Variants in PARP2 observed in about 807,000 individuals in gnomAD.
PARP2 encodes the protein poly [ADP-ribose] polymerase 2.
Under a neutral mutation model 77.8 loss-of-function variants are expected in PARP2, and 57 were observed. That is an observed-to-expected ratio of 0.73 (90% CI 0.59 to 0.91). The LOEUF (loss-of-function observed/expected upper bound fraction) is 0.91, where lower values mean the gene tolerates loss of function less well. PARP2 is among the 40% of genes least tolerant of loss of function. The probability of loss-of-function intolerance (pLI) is 0.00; values close to 1 mark genes in which losing one functional copy is unlikely to be tolerated. For missense variants in PARP2, 651 were observed against 689.0 expected, an observed-to-expected ratio of 0.94 and a Z score of 0.62; for synonymous variants, 226 against 242.6, an observed-to-expected ratio of 0.93 and a Z score of 0.64.
Position 20,352,202 on chromosome 14 carries a change from AG to A in PARP2, c.498-42del, listed in dbSNP as rs1396188508. 9.6e-6 allele frequency: 10 copies of A among 1,040,894 alleles called. No individual in the cohort carries two copies. In the East Asian group the frequency reaches 2.1e-4, roughly 22 times the overall value. The allele number at this position is 1,040,894 out of a possible 1,614,324, so 64.5% of individuals were successfully genotyped here. On this transcript the variant is annotated intron_variant, in intron 6 of 15. Transcript: ENST00000429687. Reference sequence around the variant, plus strand: ...TGTCTTGTAAGTCCATCTTCATAGTAGACCTTTATTTGTAAAGTTTTCTTAC... The same window carrying A: ...TGTCTTGTAAGTCCATCTTCATAGTAACCTTTATTTGTAAAGTTTTCTTAC...
chr14:20,351,083 C>A lies in PARP2; in HGVS notation c.458C>A (p.Ser153Ter), dbSNP rs1566420559. 1 of 1,613,984 alleles carries A rather than the reference C, an allele frequency of 6.2e-7. No individual in the cohort carries two copies. The highest frequency in any genetic ancestry group is 2.2e-5 in the East Asian group (1 of 44,884). Residue 153 changes from serine to a stop codon, truncating the protein, a stop_gained, in exon 6 of 16, where the codon TCA becomes TAA. Coordinates refer to ENST00000429687, the MANE Select transcript of PARP2 (RefSeq NM_001042618.2). LOFTEE classifies it high-confidence loss of function. ...KMGQHSLVACSGNLNKAKEIF... is the reference protein window; with the variant it reads ...KMGQHSLVAC ...GGACAGCACAGCCTGGTGGCTTGTT[C>A]AGGCAATCTCAACAAGGCCAAGGAA...
intron 3 of PARP2, among the ~76,000 whole-genome samples, chr14:20,346,413 C>T (rs1883722056): frequency 6.6e-6 from 1 of 150,490 alleles, no homozygotes; most frequent in Admixed American, 6.6e-5. Flanking sequence ...CTGCATCCTC[C>T]ACTTCCTAGG....
In PARP2 at chr14:20,355,782, G is replaced by T; in HGVS notation, c.933G>T (p.Gln311His). The change falls in exon 10 of 16, where the codon CAG (glutamine) becomes CAT (histidine). Residue 311 changes from glutamine to histidine, a missense_variant. Physicochemically the swap from Gln to His is conservative, Grantham distance 24 (BLOSUM62 0). Transcript: ENST00000429687. The part of the protein sequence containing the change: ...GLRTPPLIRT[Q>H]KELSEKIQLL... ...GTACTCCTCCACTAATCCGGACACA[G>T]AAGGAACTGTCAGAAAAAATACAAT... 6.2e-7 allele frequency: 1 copy of T among 1,613,858 alleles called. No individual in the cohort carries two copies. Among genetic ancestry groups the T allele is most frequent in the Non-Finnish European group, 8.5e-7 (1 of 1,179,758 alleles).
At chr14:20,348,163 T>G (rs1489502065) in intron 4 of PARP2, among the ~76,000 whole-genome samples, 1 of 152,132 alleles carries the variant, frequency 6.6e-6, no homozygotes, top group East Asian at 1.9e-4. Context: ...GATGAGCCAC[T>G]GGGACAAGCT....
chr14:20,357,160 A>T lies in PARP2; in HGVS notation c.1428+11A>T. On this transcript the variant is annotated intron_variant, in intron 14 of 15. Coordinates refer to ENST00000429687, the MANE Select transcript of PARP2 (RefSeq NM_001042618.2). Reference sequence around the variant, plus strand: ...CTGCTCTTATCAGAGGTGAGACAGGAGTATGTCTGTGATCTCTAGTTTATT... The same window carrying T: ...CTGCTCTTATCAGAGGTGAGACAGGTGTATGTCTGTGATCTCTAGTTTATT... 5 of 1,323,060 alleles carry T rather than the reference A, an allele frequency of 3.8e-6. No homozygotes were observed. The highest frequency in any genetic ancestry group is 4.3e-6 in the Non-Finnish European group (4 of 930,086). The allele number at this position is 1,323,060 out of a possible 1,614,324, so 82.0% of individuals were successfully genotyped here.
In PARP2 at chr14:20,354,944, T is replaced by C. The variant is rs1884091165; in HGVS notation, c.899T>C (p.Phe300Ser). Residue 300 changes from phenylalanine (F) to serine (S), a missense_variant, in exon 9 of 16, where the codon TTT becomes TCT. Physicochemically the swap from Phe to Ser is radical, Grantham distance 155. Transcript: ENST00000429687. Reference sequence around the variant, plus strand: ...TTCTACACCAGGATTCCGCATGACTTTGGGTAAGGCCTGTGCTGTTACTTC... The same window carrying C: ...TTCTACACCAGGATTCCGCATGACTCTGGGTAAGGCCTGTGCTGTTACTTC... ...NEFYTRIPHD[F>S]GLRTPPLIRT... 4 of 1,613,290 alleles carry C rather than the reference T, an allele frequency of 2.5e-6. No homozygotes were observed. Among genetic ancestry groups the C allele is most frequent in the Non-Finnish European group, 3.4e-6 (4 of 1,179,540 alleles).
In PARP2 at chr14:20,357,890, A is replaced by C. The variant is rs956554758; in HGVS notation, c.*93A>C. On this transcript the variant is annotated 3_prime_UTR_variant, in exon 16 of 16. Coordinates refer to ENST00000429687, the MANE Select transcript of PARP2 (RefSeq NM_001042618.2). ...ATTTTGTGATATTTTATGTAATAAA[A>C]ACTGTACAGGTCTACCACTGGCTTC... 1 of 1,170,038 alleles carries C rather than the reference A, an allele frequency of 8.5e-7. No homozygotes were observed. The highest frequency in any genetic ancestry group is 1.5e-5 in the African/African-American group (1 of 64,786). 72.5% of individuals were successfully genotyped at this position (1,170,038 alleles called of 1,614,324 possible).
At chr14:20,347,354 G>GTTTATATATATA (rs1883771350) in intron 4 of PARP2, among the ~76,000 whole-genome samples, 10 of 43,950 alleles carry the variant, frequency 2.3e-4, no homozygotes, top group Non-Finnish European at 3.5e-4. Context: ...ATATGTGTGT[G>GTTTATATATATA]TGTATATATA....
At chr14:20,346,810 T>A (rs1029265694) in intron 3 of PARP2, 53 bp from the exon 4 acceptor site, 396 of 1,177,614 alleles carry the variant, frequency 3.4e-4, no homozygotes, top group Non-Finnish European at 2.0e-4. Context: ...TCATTTAGGA[T>A]GTCAGGGCTG....
At position 20,354,928 on chromosome 14, in the gene PARP2, A is replaced by G; in HGVS notation, c.883A>G (p.Arg295Gly). 6.2e-7 allele frequency: 1 copy of G among 1,613,920 alleles called. No individual in the cohort carries two copies. Among genetic ancestry groups the G allele is most frequent in the Non-Finnish European group, 8.5e-7 (1 of 1,179,900 alleles). Residue 295 changes from arginine to glycine, a missense_variant, in exon 9 of 16, where the codon AGG becomes GGG. Arg to Gly is a moderately radical substitution (Grantham distance 125, BLOSUM62 -2). Coordinates refer to ENST00000429687, the MANE Select transcript of PARP2 (RefSeq NM_001042618.2). ...LMEACNEFYTRIPHDFGLRTP... is the reference protein window; with the variant it reads ...LMEACNEFYTGIPHDFGLRTP... ...GGAAGCATGCAATGAATTCTACACCAGGATTCCGCATGACTTTGGGTAAGG... is the reference window on the plus strand; with the variant it reads ...GGAAGCATGCAATGAATTCTACACCGGGATTCCGCATGACTTTGGGTAAGG...
intron 14 of PARP2, 37 bp from the exon 15 acceptor site, chr14:20,357,356 TTAG>T (rs762404088): frequency 6.4e-7 from 1 of 1,573,438 alleles, no homozygotes; most frequent in East Asian, 2.2e-5. Flanking sequence ...CATCTAATTC[TTAG>T]TAGGATATGG....
chr14:20,350,655 C>A, intron 5 of PARP2, 33 bp downstream of exon 5: 1 of 1,404,198 alleles, frequency 7.1e-7, no homozygotes, highest in Non-Finnish European at 1.0e-6. Context: ...TATGAGTTGG[C>A]ATTCAGAAAG....
intron 3 of PARP2, 178 bp from the exon 4 acceptor site, chr14:20,346,685 T>C (rs917673535): frequency 5.6e-6 from 3 of 535,394 alleles, no homozygotes; most frequent in African/African-American, 3.8e-5. Flanking sequence ...TTTTCATTTA[T>C]AGTAAGGTTA....
At chr14:20,346,636 A>C in intron 3 of PARP2, 1 of 437,048 alleles carries the variant, frequency 2.3e-6, no homozygotes, top group East Asian at 3.4e-5. Flanking sequence ...GCGCAGCCTA[A>C]CTCAGAATCT....
chr14:20,356,141 C>T, intron 11 of PARP2, 110 bp downstream of exon 11: 1 of 1,438,060 alleles, frequency 7.0e-7, no homozygotes, highest in East Asian at 2.3e-5. Flanking sequence ...TTAGGGCAGA[C>T]TTTTTATGTA....
chr14:20,354,244 C>T lies in PARP2; in HGVS notation c.760C>T (p.Leu254Phe), dbSNP rs770981700. Residue 254 changes from leucine (L) to phenylalanine (F), a missense_variant, in exon 8 of 16, where the codon CTT becomes TTT. Transcript: ENST00000429687. Reference sequence around the variant, plus strand: ...GAAGTATAATACCAAGAAAGCCCCACTTGGTAGGACTTCACATTTTCTTCT... The same window carrying T: ...GAAGTATAATACCAAGAAAGCCCCATTTGGTAGGACTTCACATTTTCTTCT... ...EMKYNTKKAP[L>F]GKLTVAQIKA... The T allele has an allele frequency of 7.5e-6, 12 of 1,610,036 alleles. No individual in the cohort carries two copies. Among genetic ancestry groups the T allele is most frequent in the South Asian group, 1.1e-5 (1 of 90,544 alleles).
chr14:20,352,499 C>T, intron 7 of PARP2, 152 bp downstream of exon 7: 1 of 516,968 alleles, frequency 1.9e-6, no homozygotes. Context: ...CCTCCCACCT[C>T]AGCCTCCTCA....
At chr14:20,350,342 G>A (rs1055233371) in intron 4 of PARP2, among the ~76,000 whole-genome samples, 184 bp from the exon 5 acceptor site, 8 of 152,160 alleles carry the variant, frequency 5.3e-5, no homozygotes, top group African/African-American at 1.9e-4. Context: ...AGAATCCAAA[G>A]TTTAATGTAT....
chr14:20,357,735 C>T lies in PARP2; in HGVS notation c.1651C>T (p.Pro551Ser), dbSNP rs778289467. Residue 551 changes from proline (P) to serine (S), a missense_variant, in exon 16 of 16, where the codon CCC becomes TCC. By Grantham distance (74) the Pro-to-Ser change is moderately conservative (BLOSUM62 -1). Coordinates refer to ENST00000429687, the MANE Select transcript of PARP2 (RefSeq NM_001042618.2). ...CTACAATGAATATATTGTATATAAC[C>T]CCAACCAGGTCCGTATGCGGTACCT... ...LNYNEYIVYNPNQVRMRYLLK... is the reference protein window; with the variant it reads ...LNYNEYIVYNSNQVRMRYLLK... 5.0e-6 allele frequency: 8 copies of T among 1,613,472 alleles called. No homozygotes were observed. The highest frequency in any genetic ancestry group is 5.9e-6 in the Non-Finnish European group (7 of 1,179,678).
Sources: gnomAD v4.1 joint callset for allele counts (sites outside exome capture counted in the v4.1 genomes callset) on GRCh38, gnomAD v4.1.1 for gene constraint, MANE v1.5 for transcripts, NCBI Gene and HGNC (gene_info 2026-07-23, HGNC 2026-07-21) for gene names.